Variants in PLXND1 observed in about 807,000 individuals in gnomAD.
PLXND1 encodes plexin-D1.
PLXND1 carries 54 observed loss-of-function variants against 197.7 expected under a neutral mutation model. The ratio of observed to expected loss-of-function variants is 0.27; its 90% confidence interval spans 0.22 to 0.34. The LOEUF (loss-of-function observed/expected upper bound fraction) is 0.34. Ranked by LOEUF, PLXND1 falls within the 10% of genes least tolerant of loss-of-function variation. The pLI, the probability that PLXND1 is intolerant of heterozygous loss-of-function variation, is 1.00. For missense variants in PLXND1, 2,127 were observed against 2,699.2 expected (o/e 0.79, Z 4.70); for synonymous variants, 1,180 against 1,161.2 (o/e 1.02, Z -0.33).
At position 129,605,368 on chromosome 3, in the gene PLXND1, C is replaced by A; in HGVS notation, c.1272G>T (p.Gln424His). Residue 424 changes from glutamine to histidine, a missense_variant, in exon 1 of 36, where the codon CAG (glutamine) becomes CAT (histidine). Physicochemically the swap from Gln to His is conservative, Grantham distance 24 (BLOSUM62 0). This residue lies in a region of PLXND1 where 1,095 missense variants were observed against 1,259.8 expected (regional missense o/e 0.87). Coordinates refer to ENST00000324093, the MANE Select transcript of PLXND1 (RefSeq NM_015103.3). ...DVVAVLDSVV[Q>H]GTGPACERKL... is the part of the protein sequence containing the mutation. ...TGCGCTCACAGGCCGGTCCCGTGCCCTGCACCACGCTGTCGAGCACCGCCA... is the reference window on the plus strand; with the variant it reads ...TGCGCTCACAGGCCGGTCCCGTGCCATGCACCACGCTGTCGAGCACCGCCA... 1 of 1,495,944 alleles carries A rather than the reference C, an allele frequency of 6.7e-7. No homozygotes were observed. Among genetic ancestry groups the A allele is most frequent in the East Asian group, 2.8e-5 (1 of 35,184 alleles). 92.7% of individuals were successfully genotyped at this position (1,495,944 alleles called of 1,614,324 possible).
Position 129,589,426 on chromosome 3 carries a change from G to A in PLXND1, c.1413C>T (p.Leu471=). Residue 471 remains leucine (L), a synonymous_variant, in exon 2 of 36, where the codon CTC becomes CTT. Coordinates refer to ENST00000324093, the MANE Select transcript of PLXND1 (RefSeq NM_015103.3). ...KATPVFRAPG[L]TSVAVASVNN... ...TGACGCTGGCCACGGCCACGGAGGT[G>A]AGGCCCGGGGCGCGGAACACGGGCG... The A allele has an allele frequency of 6.2e-7, 1 of 1,611,952 alleles. No homozygotes were observed.
At position 129,584,547 on chromosome 3, in the gene PLXND1, T is replaced by G; in HGVS notation, c.1867A>C (p.Ile623Leu). The G allele has an allele frequency of 1.2e-6, 2 of 1,608,760 alleles. No homozygotes were observed. The highest frequency in any genetic ancestry group is 1.7e-6 in the Non-Finnish European group (2 of 1,177,112). Reference sequence around the variant, plus strand: ...CTGAGGCTGGGCAGGCTGCCCGAGATCTGCAGGATCATGCCCTGGGGGCAA... The same window carrying G: ...CTGAGGCTGGGCAGGCTGCCCGAGAGCTGCAGGATCATGCCCTGGGGGCAA... Reference protein sequence around the residue: ...RQEYPGMILQISGSLPSLSGM... With the variant: ...RQEYPGMILQLSGSLPSLSGM... The change falls in exon 6 of 36, where the codon ATC becomes CTC. Residue 623 changes from isoleucine to leucine, a missense_variant. By Grantham distance (5) the Ile-to-Leu change is conservative. This residue lies in a region of PLXND1 where 1,095 missense variants were observed against 1,259.8 expected (regional missense o/e 0.87). Coordinates refer to ENST00000324093, the MANE Select transcript of PLXND1 (RefSeq NM_015103.3).
intron 29 of PLXND1, chr3:129,561,094 T>G (rs562382972): frequency 4.2e-6 from 2 of 473,332 alleles, no homozygotes; most frequent in Non-Finnish European, 8.4e-6. Context: ...AACAGGAAGA[T>G]GCAGCCACGG....
At chr3:129,605,156 C>A (rs2085765092) in intron 1 of PLXND1, among the ~76,000 whole-genome samples, 173 bp downstream of exon 1, 1 of 152,168 alleles carries the variant, frequency 6.6e-6, no homozygotes, top group African/African-American at 2.4e-5. Context: ...CCAGTAGTAC[C>A]CCTCGGGGGA....
intron 19 of PLXND1, 83 bp from the exon 20 acceptor site, chr3:129,570,040 G>T: frequency 1.3e-6 from 1 of 785,646 alleles, no homozygotes; most frequent in Non-Finnish European, 2.2e-6. Context: ...GTGGCCCTGG[G>T]TAAATTACCT....
rs967790236 is a variant in PLXND1 at position 129,558,969 on chromosome 3, A to C, written c.5298-394T>G. 6.6e-6 allele frequency among the ~76,000 whole-genome samples: 1 copy of C among 152,044 alleles called. No individual in the cohort carries two copies. Among genetic ancestry groups the C allele is most frequent in the African/African-American group, 2.4e-5 (1 of 41,404 alleles). On this transcript the variant is annotated intron_variant, in intron 32 of 35. Coordinates refer to ENST00000324093, the MANE Select transcript of PLXND1 (RefSeq NM_015103.3). This position sits in a 1 kb window ranked among gnomAD's most constrained non-coding sequence, Gnocchi z 4.1. ...CAGGGCTGTGGGGGGCAGGGCCTGG[A>C]GCTCTGGCCTTGTCCTCAAGAGGCC...
chr3:129,574,290 C>G, intron 12 of PLXND1, 46 bp downstream of exon 12: 1 of 1,526,266 alleles, frequency 6.6e-7, no homozygotes, highest in Non-Finnish European at 8.8e-7. Context: ...TGCGCATGCG[C>G]CGTGCCGGAG....
In PLXND1 at chr3:129,584,487, T is replaced by A; in HGVS notation, c.1927A>T (p.Ile643Phe). The A allele has an allele frequency of 6.2e-7, 1 of 1,613,990 alleles. No homozygotes were observed. Among genetic ancestry groups the A allele is most frequent in the Non-Finnish European group, 8.5e-7 (1 of 1,179,984 alleles). ...MEMACDYGNNIRTVARVPGPA... is the reference protein window; with the variant it reads ...MEMACDYGNNFRTVARVPGPA... ...CCTGGGACCCGAGCCACAGTGCGGA[T>A]GTTGTTCCCATAGTCACAGGCCATC... is the stretch of plus-strand genomic sequence containing the variant. The change falls in exon 6 of 36, where the codon ATC becomes TTC. Residue 643 changes from isoleucine to phenylalanine, a missense_variant. By Grantham distance (21) the Ile-to-Phe change is conservative. Coordinates refer to ENST00000324093, the MANE Select transcript of PLXND1 (RefSeq NM_015103.3).
chr3:129,572,519 T>C, intron 15 of PLXND1, 90 bp downstream of exon 15: 1 of 1,188,894 alleles, frequency 8.4e-7, no homozygotes, highest in Non-Finnish European at 1.1e-6. Flanking sequence ...CAAGAGAGGC[T>C]TGGCTCAAGG....
At chr3:129,599,584 C>A (rs1160688897) in intron 1 of PLXND1, among the ~76,000 whole-genome samples, 1 of 152,232 alleles carries the variant, frequency 6.6e-6, no homozygotes, top group African/African-American at 2.4e-5. Context: ...ACCCAAAGGG[C>A]CATGGGCTCA....
intron 22 of PLXND1, among the ~76,000 whole-genome samples, chr3:129,567,271 A>G (rs1477935738): frequency 2.0e-5 from 3 of 152,174 alleles, no homozygotes; most frequent in Non-Finnish European, 4.4e-5. Flanking sequence ...GCTGGCTTCC[A>G]TATGGACTGT....
At chr3:129,573,172 G>A (rs1034040989) in intron 13 of PLXND1, among the ~76,000 whole-genome samples, 2 of 152,136 alleles carry the variant, frequency 1.3e-5, no homozygotes, top group Non-Finnish European at 2.9e-5. Context: ...TCTTCCACAC[G>A]CCTGATGCAC....
chr3:129,588,881 C>T (rs931109063), intron 2 of PLXND1, among the ~76,000 whole-genome samples: 1 of 152,202 alleles, frequency 6.6e-6, no homozygotes, highest in African/African-American at 2.4e-5. Context: ...CACCCTGGGA[C>T]GGGGTGGCTG....
chr3:129,559,787 CG>C lies in PLXND1; in HGVS notation c.5134-5del. On this transcript the variant is annotated splice_polypyrimidine_tract_variant and splice_region_variant and intron_variant, in intron 31 of 35. Coordinates refer to ENST00000324093, the MANE Select transcript of PLXND1 (RefSeq NM_015103.3). ...CCAGAAACTTCTGCAACGTGCCCTG[CG>C]GGGGAGTGGGGTGGCCGCCGTCAGC... 2 of 1,589,442 alleles carry C rather than the reference CG, an allele frequency of 1.3e-6. No homozygotes were observed. Among genetic ancestry groups the C allele is most frequent in the Non-Finnish European group, 8.6e-7 (1 of 1,166,788 alleles).
Position 129,577,761 on chromosome 3 carries a change from C to T in PLXND1, c.2346+568G>A, listed in dbSNP as rs2085334184. The stretch of plus-strand genomic sequence containing the variant: ...CAGATGGTGGGGGCGGGGCTAGTTG[C>T]AAAGACGAGCACTGGTTGGGGAGTC... On this transcript the variant is annotated intron_variant, in intron 9 of 35. Transcript: ENST00000324093. The surrounding 1 kb of genome is among the most constrained non-coding windows in gnomAD (Gnocchi z 5.0). Among the ~76,000 whole-genome samples the T allele has an allele frequency of 6.6e-6, 1 of 152,190 alleles. No homozygotes were observed. The highest frequency in any genetic ancestry group is 1.5e-5 in the Non-Finnish European group (1 of 68,024).
At chr3:129,570,274 C>T (rs773239940) in intron 19 of PLXND1, among the ~76,000 whole-genome samples, 1 of 152,150 alleles carries the variant, frequency 6.6e-6, no homozygotes, top group African/African-American at 2.4e-5. Context: ...CCCCAAGTAT[C>T]TGCAAGGCTG....
chr3:129,575,744 AT>A, intron 10 of PLXND1, 21 bp downstream of exon 10: 1 of 1,561,476 alleles, frequency 6.4e-7, no homozygotes, highest in African/African-American at 1.4e-5. Context: ...CCCTCCGCCC[AT>A]GCTGGAGTCA....
chr3:129,587,611 T>C (rs1054349951), intron 2 of PLXND1, among the ~76,000 whole-genome samples: 31 of 152,232 alleles, frequency 2.0e-4, no homozygotes, highest in African/African-American at 7.5e-4. Flanking sequence ...GGCCAGTTTC[T>C]GCCCCAGCCT....
Position 129,565,558 on chromosome 3 carries a change from G to A in PLXND1, c.4323-20C>T. ...CTGCACCTGTGAGCGGGAGGCAGGTGTCAACTGCACCTTGAGGCCCTAGGA... is the reference window on the plus strand; with the variant it reads ...CTGCACCTGTGAGCGGGAGGCAGGTATCAACTGCACCTTGAGGCCCTAGGA... On this transcript the variant is annotated intron_variant, in intron 24 of 35. Coordinates refer to ENST00000324093, the MANE Select transcript of PLXND1 (RefSeq NM_015103.3). 1 of 1,606,028 alleles carries A rather than the reference G, an allele frequency of 6.2e-7. No homozygotes were observed. Among genetic ancestry groups the A allele is most frequent in the East Asian group, 2.2e-5 (1 of 44,754 alleles).
Sources: allele counts gnomAD v4.1 joint callset (sites outside exome capture counted in the v4.1 genomes callset), GRCh38; gene constraint gnomAD v4.1.1; regional missense constraint gnomAD v4.1.1; non-coding constraint Gnocchi (gnomAD v3.1); transcripts MANE v1.5; gene names NCBI Gene and HGNC (gene_info 2026-07-23, HGNC 2026-07-21).